NFASC: variants seen among roughly 807,000 people sequenced by gnomAD.
NFASC encodes the protein neurofascin, also known as neurofascin homolog.
In NFASC, 43 loss-of-function variants were observed where a neutral mutation model predicts 147.5. The observed-to-expected ratio is 0.29, with a 90% CI of 0.23 to 0.38. The LOEUF (loss-of-function observed/expected upper bound fraction) is 0.38. Among genes scored for constraint, NFASC ranks in the 10% least tolerant of loss-of-function variants. The pLI is 1.00. For synonymous variants in NFASC, 622 were observed against 665.5 expected, an observed-to-expected ratio of 0.93 and a Z score of 1.01; for missense variants, 1,320 against 1,689.0, an observed-to-expected ratio of 0.78 and a Z score of 3.83.
chr1:204,957,949 C>T (rs2094501128), intron 8 of NFASC, 123 bp downstream of exon 8: 2 of 869,488 alleles, frequency 2.3e-6, no homozygotes, highest in Admixed American at 2.3e-5. Flanking sequence ...AGAAATCCTT[C>T]CAGCTCATGG....
intron 23 of NFASC, chr1:204,989,866 G>C (rs986298588): frequency 6.6e-6 from 1 of 152,304 alleles, no homozygotes; most frequent in African/African-American, 2.4e-5. Flanking sequence ...GGGCACTCTG[G>C]AAGCTGACAA....
At chr1:204,908,124 G>T (rs2149289898) in intron 1 of NFASC, among the ~76,000 whole-genome samples, 1 of 152,238 alleles carries the variant, frequency 6.6e-6, no homozygotes, top group South Asian at 2.1e-4. Context: ...TGAGACTACA[G>T]GCACGCACCA....
intron 2 of NFASC, among the ~76,000 whole-genome samples, chr1:204,933,896 G>C (rs1451570689): frequency 6.6e-6 from 1 of 152,144 alleles, no homozygotes; most frequent in Non-Finnish European, 1.5e-5. Context: ...CCAGCACTTG[G>C]GGAGGCCAAC....
chr1:204,868,469 G>T (rs2077299563), intron 1 of NFASC, among the ~76,000 whole-genome samples: 1 of 152,136 alleles, frequency 6.6e-6, no homozygotes, highest in South Asian at 2.1e-4. Context: ...ATTGGCACGG[G>T]CTGTCCTCTG....
In NFASC at chr1:205,015,243, G is replaced by A. The variant is rs1319379984; in HGVS notation, c.3492-1065G>A. On this transcript the variant is annotated intron_variant, in intron 29 of 29. Transcript: ENST00000339876. This position sits in a 1 kb window ranked among gnomAD's most constrained non-coding sequence, Gnocchi z 4.0. ...CTGGGGGCAAGGCAGTGTGTGGTGT[G>A]TGTCTGCTCAGACCGCCTGGCACCG... Among the ~76,000 whole-genome samples the A allele has an allele frequency of 6.6e-6, 1 of 152,160 alleles. No homozygotes were observed. The highest frequency in any genetic ancestry group is 1.5e-5 in the Non-Finnish European group (1 of 68,006).
chr1:204,848,226 C>T (rs1467512966), intron 1 of NFASC, among the ~76,000 whole-genome samples: 2 of 152,090 alleles, frequency 1.3e-5, no homozygotes, highest in Non-Finnish European at 2.9e-5. Flanking sequence ...TTTTTCATCA[C>T]TTTTGGCAAT....
chr1:205,014,485 C>T lies in NFASC; in HGVS notation c.3491+1619C>T, dbSNP rs140856521. On this transcript the variant is annotated intron_variant, in intron 29 of 29. Coordinates refer to ENST00000339876, the MANE Select transcript of NFASC (RefSeq NM_001005388.3). The stretch of plus-strand genomic sequence containing the variant: ...TCACTCCAGTCTGTGGCTAAGTGGC[C>T]GACCACCTTTCCCATGGGGCACCCT... Among the ~76,000 whole-genome samples, 129 of 152,334 alleles carry T rather than the reference C, an allele frequency of 8.5e-4. 1 individual carries two copies. Among genetic ancestry groups the T allele is most frequent in the East Asian group, 6.0e-3 (31 of 5,188 alleles).
At chr1:204,837,306 T>A (rs895332411) in intron 1 of NFASC, among the ~76,000 whole-genome samples, 1 of 152,160 alleles carries the variant, frequency 6.6e-6, no homozygotes, top group Non-Finnish European at 1.5e-5. Context: ...CAGTCAAAGA[T>A]AAGAAAATGG....
rs951849139 is a variant in NFASC, at chr1:204,975,553, G to A, written c.1706+135G>A. The A allele has an allele frequency of 2.0e-5, 25 of 1,234,888 alleles. No homozygotes were observed. Among genetic ancestry groups the A allele is most frequent in the Non-Finnish European group, 2.8e-5 (24 of 871,302 alleles). The allele number at this position is 1,234,888 out of a possible 1,614,324, so 76.5% of individuals were successfully genotyped here. A position where few individuals can be genotyped will look rare whatever the true frequency, so the allele number is the denominator to read the frequency against. On this transcript the variant is annotated intron_variant, in intron 15 of 29. Coordinates refer to ENST00000339876, the MANE Select transcript of NFASC (RefSeq NM_001005388.3). The surrounding 1 kb of genome is among the most constrained non-coding windows in gnomAD (Gnocchi z 4.0). ...ATGTCACCAAGGAGCTTCTGCAGAGGGGGTGATGGCCTGGGCAACTCCCCT... is the reference window on the plus strand; with the variant it reads ...ATGTCACCAAGGAGCTTCTGCAGAGAGGGTGATGGCCTGGGCAACTCCCCT...
At position 204,986,764 on chromosome 1, in the gene NFASC, T is replaced by A. The variant is rs569846521; in HGVS notation, c.2471-654T>A. 6.5e-6 allele frequency: 1 copy of A among 154,484 alleles called. No individual in the cohort carries two copies. The highest frequency in any genetic ancestry group is 6.4e-5 in the Admixed American group (1 of 15,694). 9.6% of individuals were successfully genotyped at this position (154,484 alleles called of 1,614,324 possible). On this transcript the variant is annotated intron_variant, in intron 21 of 29. Coordinates refer to ENST00000339876, the MANE Select transcript of NFASC (RefSeq NM_001005388.3). The surrounding 1 kb of genome is among the most constrained non-coding windows in gnomAD (Gnocchi z 4.2). ...CTGTTTCATCCTCCTCCGTTTCTCC[T>A]CCCTCCCTCTTTAATTGTTATTTTC...
At chr1:205,001,929 A>G (rs905642296) in intron 26 of NFASC, among the ~76,000 whole-genome samples, 4 of 152,236 alleles carry the variant, frequency 2.6e-5, no homozygotes, top group African/African-American at 9.6e-5. Flanking sequence ...TAACCCAGCC[A>G]GCAAATCCAC....
At chr1:204,914,066 A>G (rs1322862892) in intron 1 of NFASC, among the ~76,000 whole-genome samples, 1 of 152,176 alleles carries the variant, frequency 6.6e-6, no homozygotes, top group Non-Finnish European at 1.5e-5. Context: ...AAACACCACA[A>G]ATAAAGTCAG....
rs774739219 is a variant in NFASC at position 204,977,664 on chromosome 1, C to G, written c.1832-17C>G. The G allele has an allele frequency of 6.2e-7, 1 of 1,606,322 alleles. No individual in the cohort carries two copies. On this transcript the variant is annotated splice_polypyrimidine_tract_variant and intron_variant, in intron 16 of 29. Coordinates refer to ENST00000339876, the MANE Select transcript of NFASC (RefSeq NM_001005388.3). ...TGGATAACCTGCTAACCTGGATAAC[C>G]CGTCTTACCTTTGCAGCTGATCAGG...
intron 1 of NFASC, among the ~76,000 whole-genome samples, chr1:204,875,414 C>G (rs1442048308): frequency 6.6e-6 from 1 of 152,096 alleles, no homozygotes; most frequent in Non-Finnish European, 1.5e-5. Context: ...TCCCAGAAGT[C>G]ACATGTGCCT....
At chr1:204,927,813 AGG>A (rs1414613252) in intron 2 of NFASC, among the ~76,000 whole-genome samples, 5 of 151,988 alleles carry the variant, frequency 3.3e-5, no homozygotes, top group South Asian at 2.1e-4. Context: ...TGGAGCCGGG[AGG>A]GGGTGGGGTA....
At chr1:204,946,683 C>T (rs574342627) in intron 3 of NFASC, 20 of 516,968 alleles carry the variant, frequency 3.9e-5, no homozygotes, top group South Asian at 1.8e-4. Flanking sequence ...TGGTCATGTA[C>T]GGCGAGGGCA....
chr1:204,968,367 G>A lies in NFASC; in HGVS notation c.818+7G>A. 6.2e-7 allele frequency: 1 copy of A among 1,606,338 alleles called. No homozygotes were observed. The highest frequency in any genetic ancestry group is 8.5e-7 in the Non-Finnish European group (1 of 1,172,884). The stretch of plus-strand genomic sequence containing the variant: ...AATGCATCGCCTCCGGGGTGTATGT[G>A]CGGTTTGCAGCCCCTCTTCTAGCCA... On this transcript the variant is annotated splice_region_variant and intron_variant, in intron 9 of 29. Transcript: ENST00000339876. This position sits in a 1 kb window ranked among gnomAD's most constrained non-coding sequence, Gnocchi z 5.4.
chr1:204,907,681 C>T (rs1017145023), intron 1 of NFASC, among the ~76,000 whole-genome samples: 4 of 152,210 alleles, frequency 2.6e-5, no homozygotes, highest in Non-Finnish European at 5.9e-5. Context: ...CCTTGCATTT[C>T]AAAAACCTTC....
intron 1 of NFASC, among the ~76,000 whole-genome samples, chr1:204,893,689 C>T (rs367790177): frequency 3.3e-5 from 5 of 152,306 alleles, no homozygotes; most frequent in South Asian, 2.1e-4. Context: ...CATTGTATTG[C>T]GCTGCACTGT....
Sources: allele counts gnomAD v4.1 joint callset (sites outside exome capture counted in the v4.1 genomes callset), GRCh38; gene constraint gnomAD v4.1.1; non-coding constraint Gnocchi (gnomAD v3.1); transcripts MANE v1.5; gene names NCBI Gene and HGNC (gene_info 2026-07-23, HGNC 2026-07-21).